GRAMD2B: variants seen among roughly 807,000 people sequenced by gnomAD.
GRAMD2B encodes GRAM domain containing 2B, also known as GRAM domain-containing protein 2B.
Under a neutral mutation model 59.2 loss-of-function variants are expected in GRAMD2B, and 41 were observed. That is an observed-to-expected ratio of 0.69 (90% confidence interval 0.54 to 0.90). The LOEUF (loss-of-function observed/expected upper bound fraction) is 0.90. Ranked by LOEUF, GRAMD2B falls within the 40% of genes least tolerant of loss-of-function variation. The pLI is 0.00. For synonymous variants in GRAMD2B, 161 were observed against 182.7 expected (o/e 0.88, Z 0.96); for missense variants, 424 against 500.5 (o/e 0.85, Z 1.46).
intron 1 of GRAMD2B, among the ~76,000 whole-genome samples, chr5:126,464,028 CA>C (rs796785312): frequency 0.011 from 1,356 of 118,832 alleles, 17 homozygotes; most frequent in African/African-American, 0.034. Flanking sequence ...AACTCCATCT[CA>C]AAAAAAAAAA....
chr5:126,418,044 A>T lies in GRAMD2B; in HGVS notation c.125+46477A>T, dbSNP rs112322707. Among the ~76,000 whole-genome samples the T allele has an allele frequency of 4.3e-3, 655 of 152,326 alleles. 9 individuals carry two copies. The highest frequency in any genetic ancestry group is 0.015 in the African/African-American group (633 of 41,580). ...GAAAGAACACAAATATATTAAACAG[A>T]TACAAGTAGAAGAGTTTTAATTGAA... On this transcript the variant is annotated intron_variant, in intron 1 of 8. Transcript: ENST00000506445.
upstream of GRAMD2B, chr5:126,423,198 A>T (rs1053455176): frequency 3.2e-5 from 32 of 1,012,606 alleles, no homozygotes; most frequent in Non-Finnish European, 3.4e-5. Flanking sequence ...GGGATAGAAA[A>T]CAAAAAGCTT....
intron 1 of GRAMD2B, among the ~76,000 whole-genome samples, chr5:126,399,936 C>A (rs1312668780): frequency 2.6e-5 from 4 of 151,974 alleles, no homozygotes; most frequent in South Asian, 2.1e-4. Flanking sequence ...CACTCTATGT[C>A]TTTTTATTGA....
At chr5:126,403,455 A>G (rs1223789196) in intron 1 of GRAMD2B, among the ~76,000 whole-genome samples, 1 of 152,040 alleles carries the variant, frequency 6.6e-6, no homozygotes, top group East Asian at 1.9e-4. Flanking sequence ...TGTACTATGC[A>G]GAGTGTTTTT....
intron 1 of GRAMD2B, among the ~76,000 whole-genome samples, chr5:126,458,098 C>T (rs1766657854): frequency 1.3e-5 from 2 of 152,022 alleles, no homozygotes; most frequent in Non-Finnish European, 2.9e-5. Flanking sequence ...TTCAAGTTTT[C>T]TTCAAAGAAA....
intron 13 of GRAMD2B, among the ~76,000 whole-genome samples, chr5:126,492,515 G>A (rs1323380853): frequency 2.0e-5 from 3 of 151,510 alleles, no homozygotes; most frequent in African/African-American, 4.9e-5. Flanking sequence ...GAGCCCAGGA[G>A]TTCTAGATCA....
intron 1 of GRAMD2B, among the ~76,000 whole-genome samples, chr5:126,414,557 G>A (rs1458195919): frequency 1.3e-5 from 2 of 152,116 alleles, no homozygotes; most frequent in Non-Finnish European, 2.9e-5. Flanking sequence ...TGATCTCCTA[G>A]ATTCAAGTGA....
chr5:126,387,265 A>T (rs577754755), intron 1 of GRAMD2B, among the ~76,000 whole-genome samples: 32 of 53,748 alleles, frequency 6.0e-4, no homozygotes, highest in African/African-American at 1.2e-3. Flanking sequence ...TAAAATTTTA[A>T]CTCTTCTGAA....
At chr5:126,456,951 G>C (rs1766386020) in intron 1 of GRAMD2B, among the ~76,000 whole-genome samples, 1 of 151,966 alleles carries the variant, frequency 6.6e-6, no homozygotes, top group Non-Finnish European at 1.5e-5. Context: ...CCAGCACTTT[G>C]GGAGGCCAAG....
chr5:126,372,295 C>A (rs1164721324), intron 1 of GRAMD2B, among the ~76,000 whole-genome samples: 2 of 152,140 alleles, frequency 1.3e-5, no homozygotes, highest in Non-Finnish European at 2.9e-5. Flanking sequence ...TTTCATCCAA[C>A]TTTCATGTAA....
chr5:126,463,994 C>G (rs1767852096), intron 1 of GRAMD2B, among the ~76,000 whole-genome samples: 1 of 151,830 alleles, frequency 6.6e-6, no homozygotes, highest in South Asian at 2.1e-4. Context: ...TGCCACTGCA[C>G]TCCAGCCTGG....
chr5:126,368,257 A>G (rs540177143), upstream of GRAMD2B, among the ~76,000 whole-genome samples: 6 of 152,298 alleles, frequency 3.9e-5, no homozygotes, highest in Admixed American at 3.3e-4. Context: ...CACACACACA[A>G]ATGAAAGCTG....
At chr5:126,411,471 T>C (rs1239289912) in intron 1 of GRAMD2B, among the ~76,000 whole-genome samples, 2 of 152,150 alleles carry the variant, frequency 1.3e-5, no homozygotes, top group African/African-American at 4.8e-5. Context: ...TGTGTCTGTT[T>C]CTGTACCAGT....
At chr5:126,403,609 A>T (rs563662373) in intron 1 of GRAMD2B, among the ~76,000 whole-genome samples, 43 of 151,642 alleles carry the variant, frequency 2.8e-4, no homozygotes, top group Admixed American at 2.5e-3. Flanking sequence ...GCAGGGGGGA[A>T]AAAATTTTAA....
At chr5:126,460,161 C>T (rs777282973) in intron 1 of GRAMD2B, among the ~76,000 whole-genome samples, 3 of 152,092 alleles carry the variant, frequency 2.0e-5, no homozygotes, top group Non-Finnish European at 4.4e-5. Context: ...TGCAGAATAG[C>T]ATGCTGTCTA....
intron 11 of GRAMD2B, 115 bp downstream of exon 11, chr5:126,485,888 A>G (rs1278564973): frequency 1.7e-5 from 11 of 631,432 alleles, no homozygotes; most frequent in Non-Finnish European, 2.6e-5. Flanking sequence ...AATGTGACCT[A>G]CATCTTTACT....
At position 126,479,599 on chromosome 5, in the gene GRAMD2B, T is replaced by G. The variant is rs1771329007; in HGVS notation, c.583-857T>G. Among the ~76,000 whole-genome samples, 3 of 152,106 alleles carry G rather than the reference T, an allele frequency of 2.0e-5. No individual in the cohort carries two copies. In the South Asian group the frequency reaches 6.2e-4, roughly 31 times the overall value. The stretch of plus-strand genomic sequence containing the variant: ...GAAAGTTAGAGGGGTTAAGCAATTT[T>G]CCCAATGTCACCCACTTAGTAAGTG... On this transcript the variant is annotated intron_variant, in intron 6 of 13. Coordinates refer to ENST00000285689, the MANE Select transcript of GRAMD2B (RefSeq NM_023927.4).
chr5:126,488,910 T>C lies in GRAMD2B; in HGVS notation c.1257+18T>C. The C allele has an allele frequency of 6.3e-7, 1 of 1,579,932 alleles. No individual in the cohort carries two copies. The stretch of plus-strand genomic sequence containing the variant: ...TAGAAAAGGTGACCTATTTCTTTCC[T>C]GTGTATGGGGGCAGTCACAGTAGTG... On this transcript the variant is annotated intron_variant, in intron 13 of 13. Transcript: ENST00000285689.
chr5:126,490,257 A>G (rs145908641), intron 13 of GRAMD2B: 2 of 152,254 alleles, frequency 1.3e-5, no homozygotes, highest in African/African-American at 4.8e-5. Context: ...ATTAATTTTC[A>G]ATTTTGTTCA....
Sources: allele counts gnomAD v4.1 joint callset (sites outside exome capture counted in the v4.1 genomes callset), GRCh38; gene constraint gnomAD v4.1.1; transcripts MANE v1.5; gene names NCBI Gene and HGNC (gene_info 2026-07-23, HGNC 2026-07-21).